Variants in RCAN2 observed in about 807,000 individuals in gnomAD.
The protein encoded by RCAN2 is calcipressin-2.
Under a neutral mutation model 23.6 loss-of-function variants are expected in RCAN2, and 9 were observed. The observed-to-expected ratio is 0.38, with a 90% CI of 0.23 to 0.67. RCAN2 has a LOEUF of 0.67. RCAN2 is among the 30% of genes least tolerant of loss of function. The probability of loss-of-function intolerance (pLI) is 0.51; values close to 1 mark genes in which losing one functional copy is unlikely to be tolerated. For synonymous variants in RCAN2, 109 were observed against 115.7 expected, an observed-to-expected ratio of 0.94 and a Z score of 0.37; for missense variants, 273 against 302.3, an observed-to-expected ratio of 0.90 and a Z score of 0.72.
At chr6:46,457,414 G>A (rs910985181) in intron 1 of RCAN2, among the ~76,000 whole-genome samples, 1 of 152,086 alleles carries the variant, frequency 6.6e-6, no homozygotes, top group African/African-American at 2.4e-5. Context: ...TTTACAGATG[G>A]GAAAACAGGA....
chr6:46,384,632 T>C (rs947312961), intron 2 of RCAN2, among the ~76,000 whole-genome samples: 1 of 152,168 alleles, frequency 6.6e-6, no homozygotes, highest in African/African-American at 2.4e-5. Flanking sequence ...GAGGAGAAAT[T>C]CAAAGCTAAA....
chr6:46,235,516 C>T (rs1026117307), intron 4 of RCAN2, among the ~76,000 whole-genome samples: 1 of 152,192 alleles, frequency 6.6e-6, no homozygotes, highest in African/African-American at 2.4e-5. Flanking sequence ...TCCTGACTTA[C>T]TGACGTCTCT....
intron 2 of RCAN2, among the ~76,000 whole-genome samples, chr6:46,389,860 A>G (rs1185336927): frequency 6.6e-6 from 1 of 152,172 alleles, no homozygotes; most frequent in African/African-American, 2.4e-5. Flanking sequence ...TGAGATTTCC[A>G]AAGAGCCTTT....
chr6:46,223,595 G>A (rs1480117332), intron 4 of RCAN2, among the ~76,000 whole-genome samples: 1 of 152,164 alleles, frequency 6.6e-6, no homozygotes, highest in East Asian at 1.9e-4. Context: ...GGATGGTGGC[G>A]AGGACTGGAT....
intron 2 of RCAN2, among the ~76,000 whole-genome samples, chr6:46,404,217 G>C (rs532088257): frequency 3.8e-4 from 42 of 111,906 alleles, no homozygotes; most frequent in African/African-American, 1.2e-3. Flanking sequence ...GTAAGACTCT[G>C]TCTCAAAAAA....
intron 2 of RCAN2, among the ~76,000 whole-genome samples, chr6:46,322,703 G>A (rs541147041): frequency 6.6e-6 from 1 of 152,362 alleles, no homozygotes; most frequent in South Asian, 2.1e-4. Flanking sequence ...ATGGATGTAA[G>A]CAGGTGAGAC....
intron 2 of RCAN2, among the ~76,000 whole-genome samples, chr6:46,285,791 G>A (rs373057788): frequency 6.6e-6 from 1 of 152,012 alleles, no homozygotes; most frequent in Non-Finnish European, 1.5e-5. Context: ...AAGTTCTAGG[G>A]TGCATGTGTA....
chr6:46,439,503 T>C (rs915353406), intron 2 of RCAN2, among the ~76,000 whole-genome samples: 1 of 152,174 alleles, frequency 6.6e-6, no homozygotes, highest in Non-Finnish European at 1.5e-5. Flanking sequence ...CTTCCACCAA[T>C]TCAAATCCAC....
At chr6:46,399,555 G>C (rs1287689576) in intron 2 of RCAN2, among the ~76,000 whole-genome samples, 1 of 151,794 alleles carries the variant, frequency 6.6e-6, no homozygotes, top group Non-Finnish European at 1.5e-5. Context: ...GCTGGAGGCT[G>C]GAAGTCTAAA....
chr6:46,340,368 T>A (rs1048207256), intron 2 of RCAN2, among the ~76,000 whole-genome samples: 1 of 152,170 alleles, frequency 6.6e-6, no homozygotes, highest in Non-Finnish European at 1.5e-5. Context: ...AGGTTTGTGC[T>A]CCCCCTGTAT....
At chr6:46,280,882 G>GGT (rs150448313) in intron 2 of RCAN2, among the ~76,000 whole-genome samples, 2 of 151,858 alleles carry the variant, frequency 1.3e-5, no homozygotes, top group East Asian at 1.9e-4. Flanking sequence ...TGTGTGTAGG[G>GGT]GTGTGTGTGT....
chr6:46,427,453 G>C (rs1421265268), intron 2 of RCAN2, among the ~76,000 whole-genome samples: 1 of 152,120 alleles, frequency 6.6e-6, no homozygotes, highest in African/African-American at 2.4e-5. Context: ...AGTTAAATAA[G>C]ATTATACATG....
rs202169574 is a variant in RCAN2, at chr6:46,254,738, TG to T, written c.226-5843del. 7.1e-4 allele frequency among the ~76,000 whole-genome samples: 108 copies of T among 152,170 alleles called. 1 individual carries two copies. The highest frequency in any genetic ancestry group is 2.5e-3 in the African/African-American group (105 of 41,528). ...ACCCCAGGACCTCAGAACATGACCT[TG>T]TTTGGAAATAGGGTCATCAAAGATG... On this transcript the variant is annotated intron_variant, in intron 2 of 4. Transcript: ENST00000371374.
rs546986490 is a variant in RCAN2, at chr6:46,335,088, C to T, written c.226-86192G>A. Among the ~76,000 whole-genome samples the T allele has an allele frequency of 3.0e-4, 45 of 152,348 alleles. 1 individual carries two copies. The highest frequency in any genetic ancestry group is 6.2e-4 in the South Asian group (3 of 4,826). The stretch of plus-strand genomic sequence containing the variant: ...GGATGTGTCTGAAGGAGGCCCTTAG[C>T]TGGCTGGTCAGACTTCTCATGAGGA... On this transcript the variant is annotated intron_variant, in intron 2 of 4. Transcript: ENST00000371374.
chr6:46,444,137 GA>G (rs1767629243), intron 2 of RCAN2, among the ~76,000 whole-genome samples: 1 of 152,196 alleles, frequency 6.6e-6, no homozygotes, highest in African/African-American at 2.4e-5. Context: ...TGTAAATGGA[GA>G]AAAGGAAAAT....
At chr6:46,487,759 G>C (rs926038640) in intron 1 of RCAN2, among the ~76,000 whole-genome samples, 2 of 152,200 alleles carry the variant, frequency 1.3e-5, no homozygotes. Flanking sequence ...ACTCCCATTA[G>C]CTCTGTAAAA....
intron 2 of RCAN2, among the ~76,000 whole-genome samples, chr6:46,295,827 G>T (rs1358420458): frequency 1.3e-5 from 2 of 152,060 alleles, no homozygotes; most frequent in Non-Finnish European, 2.9e-5. Context: ...CAGGAGAGTT[G>T]ATGGATTTGG....
At chr6:46,422,526 T>C (rs1766913488) in intron 2 of RCAN2, among the ~76,000 whole-genome samples, 1 of 152,074 alleles carries the variant, frequency 6.6e-6, no homozygotes, top group Non-Finnish European at 1.5e-5. Context: ...AGGGATGCTT[T>C]TAAAAACGAA....
chr6:46,491,237 G>C lies in RCAN2; in HGVS notation c.-67C>G, dbSNP rs1477684169. 1.3e-5 allele frequency: 2 copies of C among 151,632 alleles called. No homozygotes were observed. Among genetic ancestry groups the C allele is most frequent in the Admixed American group, 6.6e-5 (1 of 15,146 alleles). The allele number at this position is 151,632 out of a possible 1,614,324, so 9.4% of individuals were successfully genotyped here. On this transcript the variant is annotated 5_prime_UTR_variant, in exon 1 of 5. Coordinates refer to ENST00000371374, the MANE Select transcript of RCAN2 (RefSeq NM_001251974.2). ...GAGGCGGCGGCTGGGGCGTCTACGG[G>C]GGCCAGCTGCTAGCGCGCGGCGCTG... is the stretch of plus-strand genomic sequence containing the variant.
Sources: gnomAD v4.1 joint callset for allele counts (sites outside exome capture counted in the v4.1 genomes callset) on GRCh38, gnomAD v4.1.1 for gene constraint, MANE v1.5 for transcripts, NCBI Gene and HGNC (gene_info 2026-07-23, HGNC 2026-07-21) for gene names.